TBC1D22B: variants seen among roughly 807,000 people sequenced by gnomAD.
TBC1D22B encodes the protein TBC1 domain family member 22B.
TBC1D22B carries 32 observed loss-of-function variants against 69.1 expected under a neutral mutation model. The ratio of observed to expected loss-of-function variants is 0.46; its 90% CI spans 0.35 to 0.62. The LOEUF is 0.62. TBC1D22B is among the 20% of genes least tolerant of loss of function. The probability of loss-of-function intolerance (pLI) is 0.00; values close to 1 mark genes in which losing one functional copy is unlikely to be tolerated. For missense variants in TBC1D22B, 462 were observed against 630.9 expected, an observed-to-expected ratio of 0.73 and a Z score of 2.87; for synonymous variants, 206 against 229.8, an observed-to-expected ratio of 0.90 and a Z score of 0.94.
intron 8 of TBC1D22B, among the ~76,000 whole-genome samples, chr6:37,306,031 C>T (rs1310677167): frequency 6.6e-6 from 1 of 152,154 alleles, no homozygotes; most frequent in Non-Finnish European, 1.5e-5. Flanking sequence ...TATTGAGGCT[C>T]TTGCCAGCAG....
intron 10 of TBC1D22B, among the ~76,000 whole-genome samples, chr6:37,316,257 G>A (rs546401326): frequency 2.0e-5 from 3 of 152,296 alleles, no homozygotes; most frequent in Admixed American, 6.5e-5. Context: ...AGCCCCTTTC[G>A]CTGGCAGTGT....
chr6:37,310,036 A>G (rs1215620984), intron 8 of TBC1D22B, among the ~76,000 whole-genome samples: 2 of 147,106 alleles, frequency 1.4e-5, no homozygotes, highest in African/African-American at 4.9e-5. Flanking sequence ...ATATAAAATT[A>G]TATTTACATA....
At position 37,282,118 on chromosome 6, in the gene TBC1D22B, G is replaced by C. The variant is rs899070780; in HGVS notation, c.422-67G>C. ...AGGAAACACAATGCTGAACGGTTAGGTTTAAGGCTTCTCAGAATCCATACT... is the reference window on the plus strand; with the variant it reads ...AGGAAACACAATGCTGAACGGTTAGCTTTAAGGCTTCTCAGAATCCATACT... On this transcript the variant is annotated intron_variant, in intron 3 of 12. Transcript: ENST00000373491. The C allele has an allele frequency of 4.5e-6, 7 of 1,562,182 alleles. No homozygotes were observed. In the African/African-American group the frequency reaches 9.5e-5, roughly 21 times the overall value.
chr6:37,329,124 C>T (rs1768512667), intron 12 of TBC1D22B, among the ~76,000 whole-genome samples: 1 of 152,168 alleles, frequency 6.6e-6, no homozygotes, highest in African/African-American at 2.4e-5. Context: ...AAGTGAAAGG[C>T]TTCCCTCCCA....
chr6:37,287,169 T>G, intron 7 of TBC1D22B, 97 bp downstream of exon 7: 1 of 884,678 alleles, frequency 1.1e-6, no homozygotes, highest in Non-Finnish European at 1.7e-6. Context: ...TACCTTATGT[T>G]CATATATGCA....
intron 8 of TBC1D22B, chr6:37,295,825 A>G (rs1445440487): frequency 5.7e-6 from 1 of 175,474 alleles, no homozygotes; most frequent in Non-Finnish European, 1.2e-5. Flanking sequence ...CAGGCAAGAG[A>G]CTAACTTCAA....
chr6:37,329,280 C>G (rs1185152623), intron 12 of TBC1D22B, among the ~76,000 whole-genome samples: 2 of 152,174 alleles, frequency 1.3e-5, no homozygotes, highest in Non-Finnish European at 2.9e-5. Flanking sequence ...TTTATCCTTT[C>G]CAAAATGTCT....
intron 12 of TBC1D22B, among the ~76,000 whole-genome samples, chr6:37,325,706 C>T (rs1376707782): frequency 2.0e-5 from 3 of 152,040 alleles, no homozygotes; most frequent in South Asian, 2.1e-4. Flanking sequence ...CACGCCATGA[C>T]GCCCAGCTAA....
In TBC1D22B at chr6:37,284,395, A is replaced by G. The variant is rs755777521; in HGVS notation, c.732A>G (p.Glu244=). 2 of 1,613,480 alleles carry G rather than the reference A, an allele frequency of 1.2e-6. No homozygotes were observed. Among genetic ancestry groups the G allele is most frequent in the Non-Finnish European group, 1.7e-6 (2 of 1,179,770 alleles). Residue 244 remains glutamate, a synonymous_variant, in exon 6 of 13, where the codon GAA becomes GAG. Coordinates refer to ENST00000373491, the MANE Select transcript of TBC1D22B (RefSeq NM_017772.4). ...TGACCCTGCAGCGGAAGCGGGAGGA[A>G]TATTTTGGCTTCATTGAACAGTATT... ...RKLTLQRKRE[E]YFGFIEQYYD...
In TBC1D22B at chr6:37,331,673, A is replaced by C. The variant is rs2113798631; in HGVS notation, c.*501A>C. The stretch of plus-strand genomic sequence containing the variant: ...GAGCCAGTGAGGGGTAGCTTTTTAA[A>C]ACCATTATTCTAGATGGAGGAGGCA... On this transcript the variant is annotated 3_prime_UTR_variant, in exon 13 of 13. Transcript: ENST00000373491. 1 of 153,520 alleles carries C rather than the reference A, an allele frequency of 6.5e-6. No homozygotes were observed. The highest frequency in any genetic ancestry group is 3.4e-3 in the Middle Eastern group (1 of 294). 9.5% of individuals were successfully genotyped at this position (153,520 alleles called of 1,614,324 possible). A position where few individuals can be genotyped will look rare whatever the true frequency, so the allele number is the denominator to read the frequency against.
At chr6:37,302,732 T>C (rs1256972460) in intron 8 of TBC1D22B, among the ~76,000 whole-genome samples, 1 of 152,250 alleles carries the variant, frequency 6.6e-6, no homozygotes, top group African/African-American at 2.4e-5. Flanking sequence ...CTCTGACTTG[T>C]GTCCGGTTCC....
At chr6:37,273,196 A>C (rs1414519427) in intron 2 of TBC1D22B, among the ~76,000 whole-genome samples, 2 of 152,028 alleles carry the variant, frequency 1.3e-5, no homozygotes, top group African/African-American at 2.4e-5. Flanking sequence ...AAAAAAAAAA[A>C]AAAAAAAAAC....
At chr6:37,315,834 C>T (rs1463337608) in intron 10 of TBC1D22B, among the ~76,000 whole-genome samples, 2 of 152,308 alleles carry the variant, frequency 1.3e-5, no homozygotes, top group East Asian at 3.9e-4. Flanking sequence ...CTCGGCCTCC[C>T]TAAGTGCTGG....
intron 8 of TBC1D22B, among the ~76,000 whole-genome samples, chr6:37,302,712 C>T (rs1191057478): frequency 1.3e-5 from 2 of 152,198 alleles, no homozygotes; most frequent in African/African-American, 2.4e-5. Context: ...AAAGGAAGTC[C>T]TCCGCAGACC....
intron 10 of TBC1D22B, among the ~76,000 whole-genome samples, chr6:37,315,616 G>A (rs374679869): frequency 2.6e-5 from 4 of 151,770 alleles, no homozygotes; most frequent in South Asian, 2.1e-4. Flanking sequence ...TTGCTCTGTC[G>A]CCCAGGCTAG....
At chr6:37,321,954 A>G (rs1768257873) in intron 12 of TBC1D22B, among the ~76,000 whole-genome samples, 1 of 152,188 alleles carries the variant, frequency 6.6e-6, no homozygotes, top group Non-Finnish European at 1.5e-5. Context: ...TCATGAGTCC[A>G]CCCTCAAAAG....
chr6:37,291,443 A>G, intron 8 of TBC1D22B, 86 bp downstream of exon 8: 1 of 953,470 alleles, frequency 1.0e-6, no homozygotes, highest in South Asian at 1.7e-5. Context: ...GAGTCCAGCC[A>G]GTAGGTATGT....
intron 3 of TBC1D22B, among the ~76,000 whole-genome samples, chr6:37,280,443 G>C (rs1583539344): frequency 6.6e-6 from 1 of 152,244 alleles, no homozygotes; most frequent in South Asian, 2.1e-4. Flanking sequence ...TTTCGTGGCT[G>C]TAAGGTCTTT....
chr6:37,316,610 G>A, intron 10 of TBC1D22B, 93 bp from the exon 11 acceptor site: 2 of 1,454,196 alleles, frequency 1.4e-6, no homozygotes, highest in Non-Finnish European at 9.6e-7. Flanking sequence ...CATGGGAGGG[G>A]GCAGTAAGAA....
Sources: gnomAD v4.1 joint callset for allele counts (sites outside exome capture counted in the v4.1 genomes callset) on GRCh38, gnomAD v4.1.1 for gene constraint, MANE v1.5 for transcripts, NCBI Gene and HGNC (gene_info 2026-07-23, HGNC 2026-07-21) for gene names.